The following SYTL5 variants were observed in gnomAD, a reference collection of about 807,000 sequenced individuals.
SYTL5 encodes the protein synaptotagmin like 5, also known as synaptotagmin-like protein 5.
SYTL5 carries 34 observed loss-of-function variants against 55.9 expected under a neutral mutation model. That is an observed-to-expected ratio of 0.61 (90% CI 0.46 to 0.81). SYTL5 has a LOEUF of 0.81. SYTL5 is among the 30% of genes least tolerant of loss of function. The pLI is 0.00. For synonymous variants in SYTL5, 221 were observed against 188.7 expected (o/e 1.17, Z -1.40); for missense variants, 637 against 546.7 (o/e 1.17, Z -1.65).
chrX:38,118,936 TATATGTACGCATATAC>T (rs1937536055), intron 13 of SYTL5, among the ~76,000 whole-genome samples: 1 of 93,438 alleles, frequency 1.1e-5, no homozygotes, highest in Admixed American at 1.3e-4. Context: ...TATATATATA[TATATGTACGCATATAC>T]ATATATATAT....
At chrX:38,115,288 T>A (rs1195279155) in intron 13 of SYTL5, among the ~76,000 whole-genome samples, 4 of 101,628 alleles carry the variant, frequency 3.9e-5, no homozygotes, top group African/African-American at 1.6e-4. Context: ...ATCGAGACCA[T>A]CCTGGGTAAC....
the SYTL5 span, among the ~76,000 whole-genome samples, chrX:37,928,349 C>T: frequency 8.9e-6 from 1 of 111,921 alleles, no homozygotes; most frequent in Non-Finnish European, 1.9e-5. Context: ...CTAATACATA[C>T]CCTCACACCG....
chrX:38,034,031 A>C (rs1461306637), intron 2 of SYTL5, 23 bp downstream of exon 2: 8 of 972,386 alleles, frequency 8.2e-6, no homozygotes, highest in Non-Finnish European at 1.1e-5. Flanking sequence ...TTATTTTTTC[A>C]GTCCTCCTTG....
the SYTL5 span, chrX:37,945,920 G>C: frequency 2.3e-5 from 4 of 171,480 alleles, no homozygotes; most frequent in African/African-American, 1.2e-4. Flanking sequence ...CTGTAGTTCA[G>C]CATTTGTAGC....
chrX:37,999,327 T>C, the SYTL5 span, among the ~76,000 whole-genome samples: 1 of 112,874 alleles, frequency 8.9e-6, no homozygotes, highest in African/African-American at 3.2e-5. Flanking sequence ...GGGCAATAAA[T>C]AGAATCTGCA....
chrX:37,890,852 A>G, the SYTL5 span, among the ~76,000 whole-genome samples: 142 of 111,749 alleles, frequency 1.3e-3, no homozygotes, highest in African/African-American at 4.4e-3. Context: ...TGAGAGACCA[A>G]CCTACTAGGA....
intron 9 of SYTL5, among the ~76,000 whole-genome samples, chrX:38,101,578 G>C (rs1329995896): frequency 9.1e-6 from 1 of 109,628 alleles, no homozygotes; most frequent in Non-Finnish European, 1.9e-5. Flanking sequence ...GAGGAGAGGA[G>C]AAGCAAAAAA....
rs752291901 is a variant in SYTL5 at position 38,102,382 on chromosome X, T to C, written c.1103T>C (p.Val368Ala). The C allele has an allele frequency of 4.1e-6, 5 of 1,208,025 alleles. No homozygotes were observed. The East Asian group carries it at 8.9e-5, about 21-fold the overall frequency. Residue 368 changes from valine to alanine, a missense_variant, in exon 10 of 17, where the codon GTG becomes GCG. By Grantham distance (64) the Val-to-Ala change is moderately conservative (BLOSUM62 0). Coordinates refer to ENST00000297875, the MANE Select transcript of SYTL5 (RefSeq NM_138780.3). ...EETEESIDALVSSQLSTNTHR... is the reference protein window; with the variant it reads ...EETEESIDALASSQLSTNTHR... ...ACTGAAGAAAGCATTGATGCCTTAG[T>C]GTCCTCGCAGTTATCTACAAACACT...
the SYTL5 span, among the ~76,000 whole-genome samples, chrX:37,949,748 C>T: frequency 8.9e-6 from 1 of 111,966 alleles, no homozygotes; most frequent in Non-Finnish European, 1.9e-5. Flanking sequence ...ACATGTTTTG[C>T]CCTTTTAGTT....
intron 15 of SYTL5, 111 bp from the exon 16 acceptor site, chrX:38,125,187 A>C (rs1937615474): frequency 3.3e-6 from 2 of 597,212 alleles, no homozygotes; most frequent in Non-Finnish European, 5.1e-6. Context: ...TCCAGATTTA[A>C]GCATATAGAA....
At chrX:37,949,413 C>G in the SYTL5 span, 1 of 111,730 alleles carries the variant, frequency 9.0e-6, no homozygotes, top group Non-Finnish European at 1.9e-5. Flanking sequence ...GAGGTACCTC[C>G]AATGGTTTAT....
At chrX:38,022,052 C>G (rs1934571122) in intron 1 of SYTL5, among the ~76,000 whole-genome samples, 1 of 112,440 alleles carries the variant, frequency 8.9e-6, no homozygotes, top group Admixed American at 9.4e-5. Flanking sequence ...ATAAATGAGA[C>G]ATGAAATACA....
chrX:37,892,783 GTGTATATACATATATACAATATATGTA>G, the SYTL5 span, among the ~76,000 whole-genome samples: 1 of 93,222 alleles, frequency 1.1e-5, no homozygotes, highest in Non-Finnish European at 2.1e-5. Flanking sequence ...TACATATATT[GTGTATATACATATATACAATATATGTA>G]TGTATAATAT....
chrX:38,004,606 G>T (rs188162521), upstream of SYTL5, among the ~76,000 whole-genome samples: 1 of 111,660 alleles, frequency 9.0e-6, no homozygotes, highest in Non-Finnish European at 1.9e-5. Context: ...AGAAGAATGA[G>T]ATTCTGTCGT....
chrX:37,918,545 T>C, the SYTL5 span, among the ~76,000 whole-genome samples: 1 of 112,231 alleles, frequency 8.9e-6, no homozygotes, highest in Non-Finnish European at 1.9e-5. Context: ...AAATGCTTAT[T>C]TTTGTATGTC....
At chrX:38,024,834 C>A (rs957601344) in intron 1 of SYTL5, among the ~76,000 whole-genome samples, 1 of 111,245 alleles carries the variant, frequency 9.0e-6, no homozygotes, top group African/African-American at 3.3e-5. Flanking sequence ...TTTGAAGAAT[C>A]CATATCATTG....
chrX:38,030,807 A>G (rs1934931114), intron 1 of SYTL5, among the ~76,000 whole-genome samples: 1 of 112,266 alleles, frequency 8.9e-6, no homozygotes, highest in African/African-American at 3.2e-5. Flanking sequence ...AGAGCAGCCA[A>G]TTTTGAACTT....
At chrX:38,015,989 G>A (rs1365027786) in intron 1 of SYTL5, among the ~76,000 whole-genome samples, 1 of 111,340 alleles carries the variant, frequency 9.0e-6, no homozygotes, top group Non-Finnish European at 1.9e-5. Flanking sequence ...ATCACTGGGG[G>A]ACCTTGTTAA....
the SYTL5 span, among the ~76,000 whole-genome samples, chrX:37,993,499 C>T: frequency 8.9e-6 from 1 of 112,028 alleles, no homozygotes; most frequent in African/African-American, 3.2e-5. Flanking sequence ...AAGGTATTTT[C>T]TAACAGAGTA....
Sources: allele counts gnomAD v4.1 joint callset (sites outside exome capture counted in the v4.1 genomes callset), GRCh38; gene constraint gnomAD v4.1.1; transcripts MANE v1.5; gene names NCBI Gene and HGNC (gene_info 2026-07-23, HGNC 2026-07-21).